The following DPP10 variants were observed in gnomAD, a reference collection of about 807,000 sequenced individuals.
DPP10 encodes the protein dipeptidyl peptidase like 10.
Under a neutral mutation model 120.9 loss-of-function variants are expected in DPP10, and 33 were observed. The ratio of observed to expected loss-of-function variants is 0.27; its 90% CI spans 0.21 to 0.37. The LOEUF (loss-of-function observed/expected upper bound fraction) is 0.37, where lower values mean the gene tolerates loss of function less well. DPP10 is among the 10% of genes least tolerant of loss of function. The probability of loss-of-function intolerance (pLI) is 1.00; values close to 1 mark genes in which losing one functional copy is unlikely to be tolerated. For missense variants in DPP10, 816 were observed against 942.8 expected (o/e 0.87, Z 1.76); for synonymous variants, 337 against 326.1 (o/e 1.03, Z -0.36).
At chr2:115,621,098 A>G (rs998398941) in intron 5 of DPP10, among the ~76,000 whole-genome samples, 6 of 152,230 alleles carry the variant, frequency 3.9e-5, no homozygotes, top group Non-Finnish European at 8.8e-5. Flanking sequence ...CCATACTTAC[A>G]TGAGGTTGTC....
chr2:114,711,589 A>G (rs1351512829), intron 1 of DPP10, among the ~76,000 whole-genome samples: 2 of 152,240 alleles, frequency 1.3e-5, no homozygotes, highest in East Asian at 3.8e-4. Flanking sequence ...CAAAATGCTT[A>G]AAGTAGTCAG....
chr2:114,550,202 T>G (rs1687771310), intron 1 of DPP10, among the ~76,000 whole-genome samples: 1 of 152,166 alleles, frequency 6.6e-6, no homozygotes, highest in Non-Finnish European at 1.5e-5. Context: ...TTGCTATATT[T>G]CCTCAACATT....
intron 1 of DPP10, among the ~76,000 whole-genome samples, chr2:114,688,824 A>C (rs528254842): frequency 3.2e-4 from 49 of 152,064 alleles, no homozygotes; most frequent in Middle Eastern, 6.8e-3. Context: ...AGGATGCTAC[A>C]TGAATCATTA....
In DPP10 at chr2:115,169,470, A is replaced by G. The variant is rs369064988; in HGVS notation, c.61-139769A>G. 6.6e-5 allele frequency among the ~76,000 whole-genome samples: 10 copies of G among 152,244 alleles called. No individual in the cohort carries two copies. In the East Asian group the frequency reaches 1.7e-3, roughly 26 times the overall value. ...ACATATATATATATTTATGATCTAA[A>G]TGCTATGGATCTTTTATAGGTAGAT... is the stretch of plus-strand genomic sequence containing the variant. On this transcript the variant is annotated intron_variant, in intron 1 of 25. Coordinates refer to ENST00000410059, the MANE Select transcript of DPP10 (RefSeq NM_020868.6).
chr2:114,520,673 G>A (rs954778862), intron 1 of DPP10, among the ~76,000 whole-genome samples: 2 of 152,172 alleles, frequency 1.3e-5, no homozygotes, highest in Non-Finnish European at 2.9e-5. Context: ...TCTTCTCCAT[G>A]ACAGCATGCC....
At chr2:115,194,956 G>A (rs1056304969) in intron 1 of DPP10, among the ~76,000 whole-genome samples, 4 of 152,164 alleles carry the variant, frequency 2.6e-5, no homozygotes, top group Non-Finnish European at 4.4e-5. Context: ...GAGAGAAATC[G>A]TGGCGGTGAA....
chr2:115,638,788 C>T (rs533589928), intron 5 of DPP10, among the ~76,000 whole-genome samples: 62 of 152,232 alleles, frequency 4.1e-4, no homozygotes, highest in Non-Finnish European at 7.3e-4. Flanking sequence ...GTCAACAAAA[C>T]AGGACTACTT....
In DPP10 at chr2:115,603,565, T is replaced by TTTG. The variant is rs796162795; in HGVS notation, c.441+77595_441+77596insGTT. Among the ~76,000 whole-genome samples the TTTG allele has an allele frequency of 2.9e-3, 281 of 96,502 alleles. 3 individuals are homozygous for TTTG. The highest frequency in any genetic ancestry group is 0.017 in the African/African-American group (245 of 14,354). 63.3% of individuals were successfully genotyped at this position (96,502 alleles called of 152,430 possible). Reference sequence around the variant, plus strand: ...TGTGTGTTTTCGTTGTTGTTGTTTTTTTTTGTTTTTTTTTTTTTTGGATTT... The same window carrying TTTG: ...TGTGTGTTTTCGTTGTTGTTGTTTTTTTGTTTTGTTTTTTTTTTTTTTGGATTT... On this transcript the variant is annotated intron_variant, in intron 5 of 25. Transcript: ENST00000410059.
chr2:115,683,980 G>A (rs1364121544), intron 5 of DPP10, among the ~76,000 whole-genome samples: 1 of 151,684 alleles, frequency 6.6e-6, no homozygotes, highest in African/African-American at 2.4e-5. Flanking sequence ...GTCAGTAATT[G>A]ATTTTAAATG....
At chr2:115,006,141 A>T (rs1558981441) in intron 1 of DPP10, among the ~76,000 whole-genome samples, 1 of 152,198 alleles carries the variant, frequency 6.6e-6, no homozygotes, top group Non-Finnish European at 1.5e-5. Flanking sequence ...AAGGAGAAAT[A>T]AAATCCTTTA....
At chr2:115,387,685 G>T (rs2067042129) in intron 3 of DPP10, among the ~76,000 whole-genome samples, 1 of 152,132 alleles carries the variant, frequency 6.6e-6, no homozygotes, top group Non-Finnish European at 1.5e-5. Flanking sequence ...GGTATGTAAT[G>T]TTTTTATTCA....
In DPP10 at chr2:114,852,789, C is replaced by T. The variant is rs1043134718; in HGVS notation, c.60+409951C>T. Among the ~76,000 whole-genome samples the T allele has an allele frequency of 8.5e-5, 13 of 152,166 alleles. No homozygotes were observed. In the South Asian group the frequency reaches 2.7e-3, roughly 32 times the overall value. Reference sequence around the variant, plus strand: ...CAATTATGTATTCTAACACCCGGCACATAGAAAAAACACAGACATATTTAT... The same window carrying T: ...CAATTATGTATTCTAACACCCGGCATATAGAAAAAACACAGACATATTTAT... On this transcript the variant is annotated intron_variant, in intron 1 of 25. Transcript: ENST00000410059.
At chr2:114,649,202 C>G (rs1696376873) in intron 1 of DPP10, among the ~76,000 whole-genome samples, 1 of 152,076 alleles carries the variant, frequency 6.6e-6, no homozygotes, top group Non-Finnish European at 1.5e-5. Flanking sequence ...TGTTAGAAAA[C>G]CTAGGAGGAA....
At chr2:115,272,364 G>A (rs2059733929) in intron 1 of DPP10, among the ~76,000 whole-genome samples, 1 of 152,192 alleles carries the variant, frequency 6.6e-6, no homozygotes, top group Non-Finnish European at 1.5e-5. Flanking sequence ...TGTACAGCTT[G>A]TAGAAATTTA....
At chr2:114,726,464 C>T (rs569414224) in intron 1 of DPP10, among the ~76,000 whole-genome samples, 78 of 152,228 alleles carry the variant, frequency 5.1e-4, no homozygotes, top group African/African-American at 1.8e-3. Flanking sequence ...TAGAAGAAAT[C>T]CAGGTTTCCA....
chr2:115,380,575 GT>G (rs1406059765), intron 3 of DPP10, among the ~76,000 whole-genome samples: 47 of 151,852 alleles, frequency 3.1e-4, no homozygotes, highest in Admixed American at 9.2e-4. Context: ...ATTGTTATGT[GT>G]GAATTTGATC....
intron 3 of DPP10, among the ~76,000 whole-genome samples, chr2:115,473,341 G>C (rs2074855591): frequency 6.6e-6 from 1 of 152,100 alleles, no homozygotes; most frequent in Non-Finnish European, 1.5e-5. Flanking sequence ...GACAAGCTGG[G>C]ACAGTTCCTT....
At chr2:115,307,138 A>C in intron 1 of DPP10, among the ~76,000 whole-genome samples, 1 of 152,134 alleles carries the variant, frequency 6.6e-6, no homozygotes, top group East Asian at 1.9e-4. Flanking sequence ...GATGACACTA[A>C]TCTTACCAGA....
intron 1 of DPP10, among the ~76,000 whole-genome samples, chr2:114,839,906 C>T (rs1688023256): frequency 6.6e-6 from 1 of 152,092 alleles, no homozygotes; most frequent in Admixed American, 6.6e-5. Flanking sequence ...TAGCATTGCA[C>T]ACTCAGGGCT....
Sources: gnomAD v4.1 joint callset for allele counts (sites outside exome capture counted in the v4.1 genomes callset) on GRCh38, gnomAD v4.1.1 for gene constraint, MANE v1.5 for transcripts, NCBI Gene and HGNC (gene_info 2026-07-23, HGNC 2026-07-21) for gene names.